The following SLIT3 variants were observed in gnomAD, a reference collection of about 807,000 sequenced individuals.
SLIT3 encodes slit homolog 3 protein.
In SLIT3, 68 loss-of-function variants were observed where a neutral mutation model predicts 184.0. That is an observed-to-expected ratio of 0.37 (90% CI 0.30 to 0.45). The LOEUF is 0.45. Ranked by LOEUF, SLIT3 falls within the 20% of genes least tolerant of loss-of-function variation. The pLI is 1.00. For synonymous variants in SLIT3, 831 were observed against 828.6 expected (o/e 1.00, Z -0.05); for missense variants, 1,707 against 2,026.0 (o/e 0.84, Z 3.02).
At chr5:168,782,551 C>G (rs1756011706) in intron 12 of SLIT3, among the ~76,000 whole-genome samples, 1 of 152,090 alleles carries the variant, frequency 6.6e-6, no homozygotes, top group African/African-American at 2.4e-5. Flanking sequence ...CCTGGGTGGG[C>G]AGGGGAAGGT....
intron 4 of SLIT3, among the ~76,000 whole-genome samples, chr5:169,029,873 G>A (rs1485608620): frequency 1.3e-5 from 2 of 152,194 alleles, no homozygotes; most frequent in Non-Finnish European, 2.9e-5. Flanking sequence ...CTCCATTCAT[G>A]AGGCTCCATT....
chr5:169,032,235 T>TA (rs1204424045), intron 4 of SLIT3, among the ~76,000 whole-genome samples: 1 of 152,212 alleles, frequency 6.6e-6, no homozygotes, highest in East Asian at 1.9e-4. Flanking sequence ...ATATACAAAG[T>TA]AATTATAATT....
At chr5:169,266,070 C>T (rs976221719) in intron 1 of SLIT3, among the ~76,000 whole-genome samples, 22 of 152,292 alleles carry the variant, frequency 1.4e-4, no homozygotes, top group African/African-American at 5.3e-4. Flanking sequence ...CTCCAGGTGG[C>T]GACTATCAGT....
At chr5:169,147,671 A>G (rs1330067189) in intron 4 of SLIT3, among the ~76,000 whole-genome samples, 1 of 152,182 alleles carries the variant, frequency 6.6e-6, no homozygotes, top group African/African-American at 2.4e-5. Flanking sequence ...CTGATCTGAG[A>G]GTTCTTGGCC....
chr5:168,700,429 G>T (rs1229276564), intron 27 of SLIT3, among the ~76,000 whole-genome samples, 153 bp downstream of exon 27: 2 of 152,174 alleles, frequency 1.3e-5, no homozygotes, highest in African/African-American at 2.4e-5. Context: ...CTTTTCCTTT[G>T]CCTTCTGCCA....
chr5:169,202,924 G>T (rs960671581), intron 3 of SLIT3, among the ~76,000 whole-genome samples: 2 of 152,056 alleles, frequency 1.3e-5, no homozygotes, highest in African/African-American at 4.8e-5. Context: ...GCCTGAGCCT[G>T]CCTTGCCTCT....
chr5:169,053,837 C>G (rs143490943), intron 4 of SLIT3, among the ~76,000 whole-genome samples: 2,739 of 152,214 alleles, frequency 0.018, 83 homozygotes, highest in African/African-American at 0.063. Flanking sequence ...CCTATAATCT[C>G]TGCACTTTGG....
intron 4 of SLIT3, among the ~76,000 whole-genome samples, chr5:168,907,660 A>G (rs1220348795): frequency 6.6e-6 from 1 of 152,130 alleles, no homozygotes; most frequent in African/African-American, 2.4e-5. Flanking sequence ...TACATATAGC[A>G]TAGCACATTT....
intron 3 of SLIT3, among the ~76,000 whole-genome samples, chr5:169,234,925 TTTCA>T (rs1284451588): frequency 6.6e-6 from 1 of 152,226 alleles, no homozygotes; most frequent in Non-Finnish European, 1.5e-5. Flanking sequence ...TCCAATTTTC[TTTCA>T]TTATGAGTCT....
At chr5:168,921,716 G>T (rs150679300) in intron 4 of SLIT3, among the ~76,000 whole-genome samples, 1 of 152,094 alleles carries the variant, frequency 6.6e-6, no homozygotes, top group Non-Finnish European at 1.5e-5. Flanking sequence ...CCTCCCACCC[G>T]CTCAGGGAGC....
intron 6 of SLIT3, among the ~76,000 whole-genome samples, chr5:168,825,414 T>C (rs1757666561): frequency 6.6e-6 from 1 of 152,160 alleles, no homozygotes; most frequent in South Asian, 2.1e-4. Context: ...CTACTTATCA[T>C]CTGCGTGGTG....
intron 25 of SLIT3, among the ~76,000 whole-genome samples, chr5:168,708,929 G>C (rs758221205): frequency 1.3e-5 from 2 of 152,154 alleles, no homozygotes; most frequent in African/African-American, 4.8e-5. Context: ...GCTGGTACCA[G>C]GGGCTCAACC....
intron 1 of SLIT3, among the ~76,000 whole-genome samples, chr5:169,253,483 T>G (rs998626816): frequency 3.3e-5 from 5 of 152,272 alleles, no homozygotes; most frequent in East Asian, 3.9e-4. Flanking sequence ...GTCCTGAGCT[T>G]GAATCCCTGT....
chr5:168,940,980 G>C (rs1160389194), intron 4 of SLIT3, among the ~76,000 whole-genome samples: 2 of 152,100 alleles, frequency 1.3e-5, no homozygotes, highest in African/African-American at 2.4e-5. Flanking sequence ...GAAACACAAG[G>C]CTCTCGGATA....
At chr5:169,046,145 C>A (rs1027652080) in intron 4 of SLIT3, among the ~76,000 whole-genome samples, 1 of 152,058 alleles carries the variant, frequency 6.6e-6, no homozygotes, top group Admixed American at 6.6e-5. Flanking sequence ...CCAAAAGGTG[C>A]CTTATTTTTG....
In SLIT3 at chr5:168,883,266, G is replaced by C; in HGVS notation, c.484C>G (p.Leu162Val). Residue 162 changes from leucine to valine, a missense_variant and splice_region_variant, in exon 5 of 36, where the codon CTG becomes GTG. Leu to Val is a conservative substitution (Grantham distance 32). Transcript: ENST00000519560. ...TGAAGCAAGGAAAACATCACTTACAGGTTCTTCACATCGGTGATGCCGCGG... is the reference window on the plus strand; with the variant it reads ...TGAAGCAAGGAAAACATCACTTACACGTTCTTCACATCGGTGATGCCGCGG... ...AFRGITDVKNLQLDNNHISCI... is the reference protein window; with the variant it reads ...AFRGITDVKNVQLDNNHISCI... 1.9e-6 allele frequency: 3 copies of C among 1,613,512 alleles called. No individual in the cohort carries two copies. The highest frequency in any genetic ancestry group is 2.5e-6 in the Non-Finnish European group (3 of 1,179,390).
At chr5:168,714,129 T>A (rs1407240881) in intron 23 of SLIT3, among the ~76,000 whole-genome samples, 2 of 152,202 alleles carry the variant, frequency 1.3e-5, no homozygotes, top group Non-Finnish European at 2.9e-5. Context: ...TCTAGAGTGT[T>A]CACGATAGCT....
chr5:168,844,747 C>A, intron 5 of SLIT3, 92 bp from the exon 6 acceptor site: 3 of 1,148,546 alleles, frequency 2.6e-6, no homozygotes, highest in South Asian at 1.3e-5. Context: ...CCCTCCACCC[C>A]CTTGCAGGCG....
chr5:168,960,113 C>T (rs574234723), intron 4 of SLIT3, among the ~76,000 whole-genome samples: 1 of 152,314 alleles, frequency 6.6e-6, no homozygotes, highest in African/African-American at 2.4e-5. Context: ...GTCTATGTAG[C>T]ATGGTCAAAT....
Sources: gnomAD v4.1 joint callset for allele counts (sites outside exome capture counted in the v4.1 genomes callset) on GRCh38, gnomAD v4.1.1 for gene constraint, MANE v1.5 for transcripts, NCBI Gene and HGNC (gene_info 2026-07-23, HGNC 2026-07-21) for gene names.